Variants in HAGH observed in about 807,000 individuals in gnomAD.
HAGH encodes the protein hydroxyacylglutathione hydrolase, also known as hydroxyacylglutathione hydrolase, mitochondrial.
HAGH carries 29 observed loss-of-function variants against 35.1 expected under a neutral mutation model. That is an observed-to-expected ratio of 0.83 (90% CI 0.62 to 1.13). The LOEUF (loss-of-function observed/expected upper bound fraction) is 1.13. Ranked by LOEUF, HAGH falls within the 50% of genes most tolerant of loss-of-function variation. The probability of loss-of-function intolerance (pLI) is 0.00; values close to 1 mark genes in which losing one functional copy is unlikely to be tolerated. For synonymous variants in HAGH, 225 were observed against 176.1 expected, an observed-to-expected ratio of 1.28 and a Z score of -2.20; for missense variants, 478 against 419.6, an observed-to-expected ratio of 1.14 and a Z score of -1.22.
At chr16:1,817,337 C>G (rs74002493) in intron 5 of HAGH, 66 bp from the exon 6 acceptor site, 74,912 of 1,011,014 alleles carry the variant, frequency 0.074, 3,259 homozygotes, top group African/African-American at 0.16. Context: ...CAGGAGGGGG[C>G]CAGGAGCAGG....
chr16:1,821,935 T>TC (rs1491082590), intron 3 of HAGH: 1 of 158,422 alleles, frequency 6.3e-6, no homozygotes, highest in Non-Finnish European at 1.3e-5. Context: ...TGGCTGCTTG[T>TC]TTTTTTTTGT....
chr16:1,822,319 G>A lies in HAGH; in HGVS notation c.295C>T (p.Leu99Phe). The change falls in exon 3 of 9, where the codon CTC (leucine) becomes TTC (phenylalanine). Residue 99 changes from leucine to phenylalanine, a missense_variant. Coordinates refer to ENST00000397356, the MANE Select transcript of HAGH (RefSeq NM_005326.6). ...RKHGVKLTTV[L>F]TTHHHWDHAG... ...ACTTACCAGTGGTGGTGGGTGGTGA[G>A]CACTGTGGTCAGTTTCACCCCGTGC... 1 of 1,610,984 alleles carries A rather than the reference G, an allele frequency of 6.2e-7. No individual in the cohort carries two copies. The highest frequency in any genetic ancestry group is 8.5e-7 in the Non-Finnish European group (1 of 1,177,878).
intron 1 of HAGH, among the ~76,000 whole-genome samples, chr16:1,824,748 C>G (rs1264415647): frequency 3.3e-5 from 5 of 152,228 alleles, no homozygotes; most frequent in Non-Finnish European, 5.9e-5. Context: ...GTTTCAATCA[C>G]TGCACAAAGA....
At chr16:1,809,932 G>A in intron 7 of HAGH, 99 bp from the exon 8 acceptor site, 1 of 837,272 alleles carries the variant, frequency 1.2e-6, no homozygotes, top group Non-Finnish European at 2.0e-6. Context: ...GGGAGGCTAA[G>A]GCAGATGGAT....
Position 1,808,198 on chromosome 16 carries a change from C to T in HAGH, c.*1085G>A, listed in dbSNP as rs1897482715. 3 of 152,410 alleles carry T rather than the reference C, an allele frequency of 2.0e-5. No individual in the cohort carries two copies. The East Asian group carries it at 5.8e-4, about 29-fold the overall frequency. The allele number at this position is 152,410 out of a possible 1,614,324, so 9.4% of individuals were successfully genotyped here. ...GCAATGCTCACTGCAGCCTTGGACT[C>T]CCGGGCTCAAGCGATCCTCCTGCCT... On this transcript the variant is annotated 3_prime_UTR_variant, in exon 9 of 9. Transcript: ENST00000397356.
At chr16:1,809,892 G>A (rs375968267) in intron 7 of HAGH, 59 bp from the exon 8 acceptor site, 49 of 1,273,356 alleles carry the variant, frequency 3.8e-5, no homozygotes, top group Admixed American at 5.1e-5. Context: ...GACCAGGCAC[G>A]GAGGCTCACG....
At position 1,817,266 on chromosome 16, in the gene HAGH, T is replaced by A. The variant is rs545748360; in HGVS notation, c.547A>T (p.Thr183Ser). The change falls in exon 6 of 9, where the codon ACC becomes TCC. Residue 183 changes from threonine to serine, a missense_variant. By Grantham distance (58) the Thr-to-Ser change is moderately conservative. Transcript: ENST00000397356. Reference protein sequence around the residue: ...SEPPAVFTGDTLFVAGCGKFY... With the variant: ...SEPPAVFTGDSLFVAGCGKFY... ...TTCCCGCAGCCAGCCACAAACAAGGTGTCACCTGGAAACAAGGACAGCCAC... is the reference window on the plus strand; with the variant it reads ...TTCCCGCAGCCAGCCACAAACAAGGAGTCACCTGGAAACAAGGACAGCCAC... The A allele has an allele frequency of 1.2e-6, 2 of 1,608,020 alleles. No individual in the cohort carries two copies. Among genetic ancestry groups the A allele is most frequent in the South Asian group, 2.2e-5 (2 of 90,936 alleles).
At chr16:1,826,595 T>G in intron 1 of HAGH, 117 bp downstream of exon 1, 2 of 981,954 alleles carry the variant, frequency 2.0e-6, no homozygotes, top group South Asian at 9.1e-5. Context: ...CAGCGCGGCC[T>G]TAGGCACCTG....
At chr16:1,824,240 A>G (rs1222673531) in intron 1 of HAGH, among the ~76,000 whole-genome samples, 3 of 151,968 alleles carry the variant, frequency 2.0e-5, no homozygotes, top group African/African-American at 7.2e-5. Flanking sequence ...AAAAACAAAC[A>G]AACAATACTT....
intron 7 of HAGH, among the ~76,000 whole-genome samples, chr16:1,816,359 C>G (rs758485903): frequency 6.6e-6 from 1 of 151,882 alleles, no homozygotes; most frequent in Non-Finnish European, 1.5e-5. Flanking sequence ...TTAAAACAAC[C>G]CTGTCAGAGG....
intron 1 of HAGH, among the ~76,000 whole-genome samples, chr16:1,823,812 T>C (rs1389722892): frequency 1.5e-5 from 2 of 132,328 alleles, no homozygotes; most frequent in Non-Finnish European, 3.2e-5. Context: ...ACACAGGAAC[T>C]AACTCATGCT....
chr16:1,819,280 G>A (rs566568999), intron 4 of HAGH, 57 bp from the exon 5 acceptor site: 16 of 1,167,346 alleles, frequency 1.4e-5, no homozygotes, highest in African/African-American at 1.5e-5. Flanking sequence ...GCCATCTCCC[G>A]GGGTCACGGC....
At position 1,817,175 on chromosome 16, in the gene HAGH, G is replaced by A. The variant is rs748106617; in HGVS notation, c.638C>T (p.Pro213Leu). ...CAGGGAGGCGCTGCCTACTGTGTCC[G>A]GGGGGAGCCGGCCCAAGACCTCCAG... ...ALLEVLGRLPPDTRVYCGHEY... is the reference protein window; with the variant it reads ...ALLEVLGRLPLDTRVYCGHEY... Residue 213 changes from proline (P) to leucine (L), a missense_variant, in exon 6 of 9, where the codon CCG becomes CTG. Transcript: ENST00000397356. 2.2e-5 allele frequency: 36 copies of A among 1,600,172 alleles called. No homozygotes were observed. The highest frequency in any genetic ancestry group is 1.7e-4 in the Middle Eastern group (1 of 6,040).
chr16:1,817,141 C>A, intron 6 of HAGH, 27 bp downstream of exon 6: 2 of 1,517,742 alleles, frequency 1.3e-6, no homozygotes, highest in Non-Finnish European at 1.8e-6. Context: ...CCCCCCACAC[C>A]CCGGCCCGCA....
At chr16:1,809,962 G>A in intron 7 of HAGH, 129 bp from the exon 8 acceptor site, 2 of 698,970 alleles carry the variant, frequency 2.9e-6, no homozygotes, top group Non-Finnish European at 5.1e-6. Context: ...CCTGGAGTTT[G>A]AGACCAGCCT....
intron 3 of HAGH, 23 bp from the exon 4 acceptor site, chr16:1,820,037 G>C (rs892511996): frequency 1.1e-5 from 6 of 523,150 alleles, no homozygotes; most frequent in Non-Finnish European, 1.0e-5. Context: ...CAGGAGACCT[G>C]GGCTGCCTGC....
At chr16:1,811,441 G>A (rs758145456) in intron 7 of HAGH, among the ~76,000 whole-genome samples, 17 of 151,424 alleles carry the variant, frequency 1.1e-4, no homozygotes, top group South Asian at 1.0e-3. Context: ...GGCCGGGCGC[G>A]GTTGCTCACA....
In HAGH at chr16:1,826,698, C is replaced by A; in HGVS notation, c.76+14G>T. On this transcript the variant is annotated intron_variant, in intron 1 of 8. Transcript: ENST00000397356. The stretch of plus-strand genomic sequence containing the variant: ...GCCCGCGTCCCCCGGCCCGCACCGC[C>A]CCGCCGCACCCACCGAGGCCTCGGC... 1.9e-6 allele frequency: 2 copies of A among 1,056,944 alleles called. No individual in the cohort carries two copies. Among genetic ancestry groups the A allele is most frequent in the Non-Finnish European group, 2.3e-6 (2 of 876,338 alleles). 65.5% of individuals were successfully genotyped at this position (1,056,944 alleles called of 1,614,324 possible).
intron 1 of HAGH, among the ~76,000 whole-genome samples, chr16:1,823,455 A>G (rs1434700727): frequency 6.6e-6 from 1 of 151,816 alleles, no homozygotes; most frequent in African/African-American, 2.4e-5. Context: ...TTTTTAGTAG[A>G]GACGGGTTTC....
Sources: allele counts gnomAD v4.1 joint callset (sites outside exome capture counted in the v4.1 genomes callset), GRCh38; gene constraint gnomAD v4.1.1; transcripts MANE v1.5; gene names NCBI Gene and HGNC (gene_info 2026-07-23, HGNC 2026-07-21).